Variants in OTOL1 observed in about 807,000 individuals in gnomAD.
OTOL1 encodes the protein otolin 1, also known as otolin-1.
In OTOL1, 31 loss-of-function variants were observed where a neutral mutation model predicts 25.0. That is an observed-to-expected ratio of 1.24 (90% CI 0.93 to 1.67). The LOEUF (loss-of-function observed/expected upper bound fraction) is 1.67. Among genes scored for constraint, OTOL1 ranks in the 40% most tolerant of loss-of-function variants. OTOL1 has a pLI of 0.00. For synonymous variants in OTOL1, 225 were observed against 210.3 expected (o/e 1.07, Z -0.61); for missense variants, 654 against 587.7 (o/e 1.11, Z -1.17).
Position 161,503,732 on chromosome 3 carries a change from G to T in OTOL1, c.1224G>T (p.Gln408His). 1 of 1,613,864 alleles carries T rather than the reference G, an allele frequency of 6.2e-7. No homozygotes were observed. Among genetic ancestry groups the T allele is most frequent in the Non-Finnish European group, 8.5e-7 (1 of 1,179,830 alleles). ...GRPARISLVA[Q>H]NKKQFKSRET... The stretch of plus-strand genomic sequence containing the variant: ...CTGCTCGAATCAGTCTGGTGGCCCA[G>T]AATAAGAAGCAGTTCAAGTCCAGAG... The change falls in exon 4 of 4, where the codon CAG (glutamine) becomes CAT (histidine). Residue 408 changes from glutamine to histidine, a missense_variant. Transcript: ENST00000327928.
Position 161,497,050 on chromosome 3 carries a change from T to G in OTOL1, c.243T>G (p.Thr81=), listed in dbSNP as rs780608617. The G allele has an allele frequency of 3.7e-6, 6 of 1,613,762 alleles. No individual in the cohort carries two copies. The South Asian group carries it at 5.5e-5, about 15-fold the overall frequency. The change falls in exon 1 of 4, where the codon ACT becomes ACG. Residue 81 remains threonine (T), a synonymous_variant. Coordinates refer to ENST00000327928, the MANE Select transcript of OTOL1 (RefSeq NM_001080440.1). ...KPSALDSVFG[T]ATLSPFENFT... is the part of the protein sequence containing the mutation. ...CGGCCTTGGATTCTGTCTTTGGCAC[T>G]GCCACTCTCTCTCCCTTTGAAAACT...
intron 3 of OTOL1, 50 bp downstream of exon 3, chr3:161,502,419 C>A: frequency 7.1e-7 from 1 of 1,406,344 alleles, no homozygotes; most frequent in Non-Finnish European, 1.0e-6. Flanking sequence ...GCAGTATAGC[C>A]CTTCATTCTC....
chr3:161,497,319 G>C (rs1450425928), intron 1 of OTOL1, 148 bp downstream of exon 1: 2 of 913,544 alleles, frequency 2.2e-6, no homozygotes, highest in Admixed American at 3.1e-5. Flanking sequence ...AATGTAAATG[G>C]GTGCTGTGTT....
chr3:161,498,391 GC>G (rs1451951429), intron 1 of OTOL1, among the ~76,000 whole-genome samples: 1 of 152,068 alleles, frequency 6.6e-6, no homozygotes, highest in Admixed American at 6.6e-5. Context: ...TTATTACCCT[GC>G]CTGGGGAGCT....
At chr3:161,499,402 A>G (rs925811748) in intron 2 of OTOL1, 142 bp downstream of exon 2, 5 of 672,794 alleles carry the variant, frequency 7.4e-6, no homozygotes, top group Non-Finnish European at 1.3e-5. Context: ...TATATTTGAT[A>G]TAAATATGTT....
chr3:161,497,269 T>A (rs1394835332), intron 1 of OTOL1, 98 bp downstream of exon 1: 1 of 1,402,382 alleles, frequency 7.1e-7, no homozygotes, highest in Non-Finnish European at 9.7e-7. Context: ...TTCTACGTTG[T>A]TATGCAAATA....
At chr3:161,500,464 AT>A (rs1718948491) in intron 2 of OTOL1, among the ~76,000 whole-genome samples, 1 of 152,224 alleles carries the variant, frequency 6.6e-6, no homozygotes, top group Admixed American at 6.5e-5. Context: ...TTGATGAAGG[AT>A]CAAAAGTAGA....
In OTOL1 at chr3:161,503,852, T is replaced by C. The variant is rs759324382; in HGVS notation, c.1344T>C (p.Asp448=). 71 of 1,613,704 alleles carry C rather than the reference T, an allele frequency of 4.4e-5. No individual in the cohort carries two copies. In the South Asian group the frequency reaches 6.1e-4, roughly 14 times the overall value. The part of the protein sequence containing the change: ...GDQVWLEVSK[D]WNGVYVSAED... ...AAGTCTGGCTTGAGGTGTCAAAAGA[T>C]TGGAATGGGGTGTATGTCAGTGCTG... Residue 448 remains aspartate (D), a synonymous_variant, in exon 4 of 4, where the codon GAT becomes GAC. Coordinates refer to ENST00000327928, the MANE Select transcript of OTOL1 (RefSeq NM_001080440.1).
At position 161,496,915 on chromosome 3, in the gene OTOL1, G is replaced by A; in HGVS notation, c.108G>A (p.Glu36=). ...ATACCAAATTTACGAAGAAATCTGA[G>A]GAAAGAGAGATGCCAAAGGGTCTAA... ...TPHTKFTKKS[E]EREMPKGLKP... Residue 36 remains glutamate, a synonymous_variant, in exon 1 of 4, where the codon GAG becomes GAA. Coordinates refer to ENST00000327928, the MANE Select transcript of OTOL1 (RefSeq NM_001080440.1). 6.2e-7 allele frequency: 1 copy of A among 1,613,404 alleles called. No individual in the cohort carries two copies. Among genetic ancestry groups the A allele is most frequent in the Non-Finnish European group, 8.5e-7 (1 of 1,179,618 alleles).
Position 161,502,406 on chromosome 3 carries a change from T to C in OTOL1, c.517+37T>C, listed in dbSNP as rs749327948. ...AATGTATCTACTGTGTACAGTCAGG[T>C]GCGCAGTATAGCCCTTCATTCTCTT... On this transcript the variant is annotated intron_variant, in intron 3 of 3. Coordinates refer to ENST00000327928, the MANE Select transcript of OTOL1 (RefSeq NM_001080440.1). The C allele has an allele frequency of 1.9e-6, 3 of 1,542,032 alleles. No individual in the cohort carries two copies. The African/African-American group carries it at 4.1e-5, about 21-fold the overall frequency.
rs1179521210 is a variant in OTOL1 at position 161,496,918 on chromosome 3, A to G, written c.111A>G (p.Glu37=). The part of the protein sequence containing the change: ...PHTKFTKKSE[E]REMPKGLKPS... ...CCAAATTTACGAAGAAATCTGAGGA[A>G]AGAGAGATGCCAAAGGGTCTAAAGC... Residue 37 remains glutamate (E), a synonymous_variant, in exon 1 of 4, where the codon GAA becomes GAG. Transcript: ENST00000327928. 1.9e-6 allele frequency: 3 copies of G among 1,613,384 alleles called. No individual in the cohort carries two copies. The highest frequency in any genetic ancestry group is 1.6e-4 in the Middle Eastern group (1 of 6,084).
rs1316759353 is a variant in OTOL1 at position 161,502,348 on chromosome 3, C to A, written c.496C>A (p.Pro166Thr). ...ERGDQGVPGY[P>T]GKPGAQGEPG... ...TGGGGACCAAGGAGTTCCAGGATAC[C>A]CAGGAAAACCGGGAGCACAAGGTAG... is the stretch of plus-strand genomic sequence containing the variant. The change falls in exon 3 of 4, where the codon CCA becomes ACA. Residue 166 changes from proline (P) to threonine (T), a missense_variant. Transcript: ENST00000327928. The A allele has an allele frequency of 1.9e-6, 3 of 1,613,188 alleles. No individual in the cohort carries two copies. The highest frequency in any genetic ancestry group is 2.5e-6 in the Non-Finnish European group (3 of 1,179,656).
chr3:161,500,980 G>A (rs1463945), intron 2 of OTOL1, among the ~76,000 whole-genome samples: 58,994 of 151,544 alleles, frequency 0.39, 11,521 homozygotes, highest in Admixed American at 0.42. Flanking sequence ...AACAAAAGAT[G>A]TTAGTTATAT....
intron 2 of OTOL1, among the ~76,000 whole-genome samples, 193 bp from the exon 3 acceptor site, chr3:161,502,114 C>T (rs1486270007): frequency 2.0e-5 from 3 of 152,196 alleles, no homozygotes; most frequent in Non-Finnish European, 4.4e-5. Context: ...GTGATCCACC[C>T]GCCTCGGCCT....
rs200049709 is a variant in OTOL1, at chr3:161,503,344, G to A, written c.836G>A (p.Arg279His). 55 of 1,587,324 alleles carry A rather than the reference G, an allele frequency of 3.5e-5. No individual in the cohort carries two copies. The highest frequency in any genetic ancestry group is 1.7e-4 in the Middle Eastern group (1 of 5,920). The change falls in exon 4 of 4, where the codon CGT (arginine) becomes CAT (histidine). Residue 279 changes from arginine (R) to histidine (H), a missense_variant. By Grantham distance (29) the Arg-to-His change is conservative. Coordinates refer to ENST00000327928, the MANE Select transcript of OTOL1 (RefSeq NM_001080440.1). ...AGTGGAATGGAAGGCAAAAGCGGCC[G>A]TAATGGTCTGCCTGGGGCCAAAGGT... The part of the protein sequence containing the change: ...GDSGMEGKSG[R>H]NGLPGAKGDP...
chr3:161,502,053 A>C (rs1362043196), intron 2 of OTOL1, among the ~76,000 whole-genome samples: 1 of 152,130 alleles, frequency 6.6e-6, no homozygotes, highest in Non-Finnish European at 1.5e-5. Flanking sequence ...TTTTTTGTAG[A>C]GATGGGGTTT....
At position 161,496,949 on chromosome 3, in the gene OTOL1, A is replaced by C. The variant is rs1718847021; in HGVS notation, c.142A>C (p.Ser48Arg). Reference sequence around the variant, plus strand: ...GATGCCAAAGGGTCTAAAGCCATCCAGTGGCCCACCTCCAGAAGAAGAAGA... The same window carrying C: ...GATGCCAAAGGGTCTAAAGCCATCCCGTGGCCCACCTCCAGAAGAAGAAGA... ...REMPKGLKPS[S>R]GPPPEEEETL... The change falls in exon 1 of 4, where the codon AGT becomes CGT. Residue 48 changes from serine (S) to arginine (R), a missense_variant. Transcript: ENST00000327928. 1.9e-6 allele frequency: 3 copies of C among 1,613,466 alleles called. No homozygotes were observed. The highest frequency in any genetic ancestry group is 1.7e-5 in the Admixed American group (1 of 59,864).
At chr3:161,500,607 T>C (rs1472972073) in intron 2 of OTOL1, among the ~76,000 whole-genome samples, 1 of 152,180 alleles carries the variant, frequency 6.6e-6, no homozygotes, top group African/African-American at 2.4e-5. Context: ...AGTTAATCAT[T>C]ACCTGGTTGA....
At position 161,503,931 on chromosome 3, in the gene OTOL1, A is replaced by G. The variant is rs1719047269; in HGVS notation, c.1423A>G (p.Ile475Val). The change falls in exon 4 of 4, where the codon ATT becomes GTT. Residue 475 changes from isoleucine (I) to valine (V), a missense_variant. Coordinates refer to ENST00000327928, the MANE Select transcript of OTOL1 (RefSeq NM_001080440.1). ...TTTGTACCCAGAGGAAACTTCTGGAATTTCACCATAAATTTGTGTCCTGAA... is the reference window on the plus strand; with the variant it reads ...TTTGTACCCAGAGGAAACTTCTGGAGTTTCACCATAAATTTGTGTCCTGAA... ...FLLYPEETSG[I>V]SP 49 of 1,610,550 alleles carry G rather than the reference A, an allele frequency of 3.0e-5. No homozygotes were observed. The highest frequency in any genetic ancestry group is 4.2e-5 in the Non-Finnish European group (49 of 1,177,934).
Sources: gnomAD v4.1 joint callset for allele counts (sites outside exome capture counted in the v4.1 genomes callset) on GRCh38, gnomAD v4.1.1 for gene constraint, MANE v1.5 for transcripts, NCBI Gene and HGNC (gene_info 2026-07-23, HGNC 2026-07-21) for gene names.